Variants in RANBP2 observed in about 807,000 individuals in gnomAD.
RANBP2 encodes E3 SUMO-protein ligase RanBP2.
A neutral mutation model predicts 303.6 loss-of-function variants in RANBP2; 57 were observed. The ratio of observed to expected loss-of-function variants is 0.19; its 90% CI spans 0.15 to 0.23. The LOEUF (loss-of-function observed/expected upper bound fraction) is 0.23. Ranked by LOEUF, RANBP2 falls within the 10% of genes least tolerant of loss-of-function variation. The pLI is 1.00. For missense variants in RANBP2, 3,138 were observed against 3,780.8 expected (o/e 0.83, Z 4.46); for synonymous variants, 1,167 against 1,301.5 (o/e 0.90, Z 2.23).
chr2:109,117,412 C>T, the RANBP2 span, among the ~76,000 whole-genome samples: 1 of 152,236 alleles, frequency 6.6e-6, no homozygotes, highest in Non-Finnish European at 1.5e-5. Flanking sequence ...ATCAGCGAGA[C>T]TCCATGGGCG....
chr2:108,827,688 A>T, the RANBP2 span, among the ~76,000 whole-genome samples: 3 of 151,742 alleles, frequency 2.0e-5, no homozygotes, highest in South Asian at 4.1e-4. Context: ...TGGTGGCAGG[A>T]GCTTGTAGTC....
At chr2:109,491,123 G>T in the RANBP2 span, among the ~76,000 whole-genome samples, 2 of 152,230 alleles carry the variant, frequency 1.3e-5, no homozygotes, top group African/African-American at 4.8e-5. Flanking sequence ...TCTGGGAACT[G>T]GAGTGTTATT....
chr2:108,890,349 A>G, the RANBP2 span, among the ~76,000 whole-genome samples: 3 of 151,198 alleles, frequency 2.0e-5, no homozygotes, highest in African/African-American at 4.9e-5. Context: ...GGCTTAAGCA[A>G]TCCTCCAACC....
the RANBP2 span, among the ~76,000 whole-genome samples, chr2:108,887,543 A>G: frequency 6.6e-6 from 1 of 152,068 alleles, no homozygotes; most frequent in Non-Finnish European, 1.5e-5. Flanking sequence ...GTCCTCTTCA[A>G]TTTCTTTCAT....
At chr2:108,833,292 C>CCA in the RANBP2 span, among the ~76,000 whole-genome samples, 1 of 152,134 alleles carries the variant, frequency 6.6e-6, no homozygotes, top group Admixed American at 6.5e-5. Flanking sequence ...AACAAATGTA[C>CCA]CACACTGGTA....
chr2:108,979,784 C>T, the RANBP2 span, among the ~76,000 whole-genome samples: 1 of 152,090 alleles, frequency 6.6e-6, no homozygotes, highest in Non-Finnish European at 1.5e-5. Context: ...CAAATGGGTC[C>T]CTTGAATAGA....
chr2:109,514,158 ACT>A, the RANBP2 span, among the ~76,000 whole-genome samples: 2 of 152,194 alleles, frequency 1.3e-5, no homozygotes, highest in Admixed American at 6.5e-5. Context: ...TGAAACTTAA[ACT>A]CAGCATCAAG....
the RANBP2 span, chr2:108,794,727 A>G: frequency 6.3e-7 from 1 of 1,582,908 alleles, no homozygotes; most frequent in Non-Finnish European, 8.7e-7. Context: ...TGCAGGTAAG[A>G]ACTAAATACT....
chr2:108,788,765 A>T (rs1679396768), downstream of RANBP2: 1 of 1,502,190 alleles, frequency 6.7e-7, no homozygotes, highest in Admixed American at 2.3e-5. Flanking sequence ...GATTTTAAAA[A>T]TAGTATTATT....
At chr2:109,156,227 G>A in the RANBP2 span, among the ~76,000 whole-genome samples, 1 of 152,306 alleles carries the variant, frequency 6.6e-6, no homozygotes, top group Non-Finnish European at 1.5e-5. Flanking sequence ...GGGTTGAGGG[G>A]GCTGGCAGTG....
chr2:109,452,106 T>C, the RANBP2 span, among the ~76,000 whole-genome samples: 2 of 152,240 alleles, frequency 1.3e-5, no homozygotes, highest in African/African-American at 4.8e-5. Context: ...CTTGAATTTC[T>C]CCTAATTTGC....
the RANBP2 span, among the ~76,000 whole-genome samples, chr2:109,119,640 T>C: frequency 6.6e-6 from 1 of 152,218 alleles, no homozygotes; most frequent in Non-Finnish European, 1.5e-5. Flanking sequence ...GTACCATGCA[T>C]ACAAGTTTAA....
the RANBP2 span, among the ~76,000 whole-genome samples, chr2:109,701,480 C>G: frequency 4.9e-3 from 753 of 152,238 alleles, 5 homozygotes; most frequent in Non-Finnish European, 8.8e-3. Context: ...TGGGGGGCCT[C>G]CAGGTCAGAA....
the RANBP2 span, among the ~76,000 whole-genome samples, chr2:109,236,503 G>A: frequency 1.3e-5 from 2 of 152,204 alleles, no homozygotes; most frequent in Non-Finnish European, 2.9e-5. Flanking sequence ...TCTTGGGTCA[G>A]TGCATTGTAG....
At chr2:109,025,986 T>A in the RANBP2 span, among the ~76,000 whole-genome samples, 1 of 151,896 alleles carries the variant, frequency 6.6e-6, no homozygotes, top group Non-Finnish European at 1.5e-5. Flanking sequence ...GTCCCCTTCA[T>A]CCTCACCAAG....
At chr2:109,479,708 T>C in the RANBP2 span, among the ~76,000 whole-genome samples, 2 of 152,200 alleles carry the variant, frequency 1.3e-5, no homozygotes, top group Admixed American at 1.3e-4. Flanking sequence ...ATCATTTTCT[T>C]AATGTTAGAA....
chr2:109,554,766 A>G, the RANBP2 span, among the ~76,000 whole-genome samples: 11 of 152,212 alleles, frequency 7.2e-5, no homozygotes, highest in African/African-American at 2.7e-4. Context: ...TGTAACAGGT[A>G]CCAATATTTT....
the RANBP2 span, among the ~76,000 whole-genome samples, chr2:109,682,420 C>T: frequency 3.3e-5 from 5 of 152,206 alleles, no homozygotes; most frequent in African/African-American, 4.8e-5. Context: ...CCAGAAAGGG[C>T]GGAAAAGGCT....
chr2:109,015,118 C>CAAAAAAAAAAAA, the RANBP2 span, among the ~76,000 whole-genome samples: 22 of 68,812 alleles, frequency 3.2e-4, no homozygotes, highest in Non-Finnish European at 4.5e-4. Context: ...GACTCCATCT[C>CAAAAAAAAAAAA]AAAAAAAAAA....
Sources: allele counts gnomAD v4.1 joint callset (sites outside exome capture counted in the v4.1 genomes callset), GRCh38; gene constraint gnomAD v4.1.1; transcripts MANE v1.5; gene names NCBI Gene and HGNC (gene_info 2026-07-23, HGNC 2026-07-21).